Variants in CNTLN observed in about 807,000 individuals in gnomAD.
CNTLN encodes centlein, centrosomal protein.
Under a neutral mutation model 180.0 loss-of-function variants are expected in CNTLN, and 212 were observed. The observed-to-expected ratio is 1.18, with a 90% CI of 1.05 to 1.32. The LOEUF is 1.32. Ranked by LOEUF, CNTLN falls within the 40% of genes most tolerant of loss-of-function variation. CNTLN has a pLI of 0.00. For missense variants in CNTLN, 2,095 were observed against 1,610.9 expected (o/e 1.30, Z -5.14); for synonymous variants, 722 against 563.1 (o/e 1.28, Z -3.99).
intron 5 of CNTLN, among the ~76,000 whole-genome samples, chr9:17,251,611 T>C (rs1481170015): frequency 6.6e-6 from 1 of 151,912 alleles, no homozygotes; most frequent in Non-Finnish European, 1.5e-5. Context: ...TTCCCTTTCA[T>C]TGATATGTAA....
chr9:17,179,662 A>G (rs1244939197), intron 2 of CNTLN, among the ~76,000 whole-genome samples: 2 of 152,212 alleles, frequency 1.3e-5, no homozygotes, highest in Admixed American at 6.5e-5. Context: ...GGATTGTTCC[A>G]TAAATATTGA....
At chr9:17,176,140 T>C (rs1464664672) in intron 2 of CNTLN, among the ~76,000 whole-genome samples, 2 of 152,148 alleles carry the variant, frequency 1.3e-5, no homozygotes, top group Admixed American at 6.5e-5. Context: ...CAGTACTATG[T>C]TGAGTAAGAG....
chr9:17,366,803 T>A (rs1378042068), intron 13 of CNTLN, 86 bp downstream of exon 13: 1 of 764,314 alleles, frequency 1.3e-6, no homozygotes, highest in African/African-American at 1.8e-5. Flanking sequence ...CTTTTAAGAA[T>A]CTTACCCTTT....
At chr9:17,457,763 C>G in intron 19 of CNTLN, 48 bp downstream of exon 19, 1 of 1,136,522 alleles carries the variant, frequency 8.8e-7, no homozygotes, top group Non-Finnish European at 1.2e-6. Context: ...ATGCTTGAAT[C>G]CTGCAAGACA....
At chr9:17,439,803 A>G (rs1830000544) in intron 18 of CNTLN, among the ~76,000 whole-genome samples, 1 of 152,204 alleles carries the variant, frequency 6.6e-6, no homozygotes, top group Admixed American at 6.5e-5. Context: ...TGCCCTTATA[A>G]AAAGAGGAAG....
chr9:17,241,773 C>A (rs147453667), intron 5 of CNTLN, among the ~76,000 whole-genome samples: 1 of 151,880 alleles, frequency 6.6e-6, no homozygotes, highest in Non-Finnish European at 1.5e-5. Flanking sequence ...TCTTTAACTA[C>A]TTTGGTTAAT....
At position 17,335,910 on chromosome 9, in the gene CNTLN, C is replaced by G. The variant is rs1304322919; in HGVS notation, c.1644+3180C>G. ...CAAGCTGAGATCCTGCCACTACATT[C>G]CAGCGAGTCTGTCTCAAAAACAAAA... is the stretch of plus-strand genomic sequence containing the variant. On this transcript the variant is annotated intron_variant, in intron 10 of 25. Transcript: ENST00000380647. Among the ~76,000 whole-genome samples, 7 of 139,306 alleles carry G rather than the reference C, an allele frequency of 5.0e-5. No homozygotes were observed. The East Asian group carries it at 1.1e-3, about 22-fold the overall frequency. 91.4% of individuals were successfully genotyped at this position (139,306 alleles called of 152,430 possible).
intron 6 of CNTLN, among the ~76,000 whole-genome samples, chr9:17,292,233 T>G (rs547094709): frequency 1.3e-5 from 2 of 152,210 alleles, no homozygotes; most frequent in East Asian, 3.9e-4. Context: ...CTGTTAACAT[T>G]TTTTTTCCCT....
At chr9:17,205,172 G>T (rs1195290518) in intron 2 of CNTLN, among the ~76,000 whole-genome samples, 1 of 152,140 alleles carries the variant, frequency 6.6e-6, no homozygotes. Flanking sequence ...GAGACCACTT[G>T]GCTCCCTGGC....
intron 7 of CNTLN, chr9:17,299,619 G>A: frequency 1.0e-6 from 1 of 985,412 alleles, no homozygotes; most frequent in Non-Finnish European, 1.2e-6. Context: ...CAAGCAGGAA[G>A]ATACAGTCTT....
chr9:17,518,036 CTTTTTTTTT>C, the CNTLN span, among the ~76,000 whole-genome samples: 5 of 69,232 alleles, frequency 7.2e-5, no homozygotes, highest in East Asian at 4.9e-4. Context: ...TTTTCTTTTC[CTTTTTTTTT>C]TTTTTTTTTT....
chr9:17,300,756 C>G (rs1453564392), intron 7 of CNTLN: 2 of 156,222 alleles, frequency 1.3e-5, no homozygotes, highest in Non-Finnish European at 2.8e-5. Flanking sequence ...CATGTTCCGA[C>G]TCTACATTAC....
chr9:17,417,318 C>T (rs183626911), intron 18 of CNTLN, among the ~76,000 whole-genome samples: 1 of 152,048 alleles, frequency 6.6e-6, no homozygotes, highest in Non-Finnish European at 1.5e-5. Context: ...CTTTCCTTTT[C>T]TTTTCTCCTA....
At chr9:17,221,195 A>C (rs925012386) in intron 2 of CNTLN, among the ~76,000 whole-genome samples, 1 of 152,104 alleles carries the variant, frequency 6.6e-6, no homozygotes, top group African/African-American at 2.4e-5. Flanking sequence ...ATGATAAGCT[A>C]AACATTCAAG....
At chr9:17,310,262 C>T (rs145086923) in intron 8 of CNTLN, among the ~76,000 whole-genome samples, 254 of 152,098 alleles carry the variant, frequency 1.7e-3, no homozygotes, top group African/African-American at 5.8e-3. Flanking sequence ...TTTTTTTAAA[C>T]AGTTTTATCA....
chr9:17,483,023 A>G (rs1832725908), intron 23 of CNTLN, among the ~76,000 whole-genome samples: 2 of 152,154 alleles, frequency 1.3e-5, no homozygotes. Flanking sequence ...GAAAAGATTC[A>G]TTAATTTGAA....
At chr9:17,423,250 A>G (rs972378848) in intron 18 of CNTLN, among the ~76,000 whole-genome samples, 7 of 152,156 alleles carry the variant, frequency 4.6e-5, no homozygotes, top group African/African-American at 1.4e-4. Flanking sequence ...TTGAGGTCCA[A>G]GGGCTCTTTA....
chr9:17,241,829 T>C (rs183608681), intron 5 of CNTLN, among the ~76,000 whole-genome samples: 24 of 152,318 alleles, frequency 1.6e-4, no homozygotes, highest in African/African-American at 5.8e-4. Context: ...GTAGGATTAC[T>C]TTCTTAATTT....
At chr9:17,442,411 G>A (rs546203958) in intron 18 of CNTLN, among the ~76,000 whole-genome samples, 4 of 152,120 alleles carry the variant, frequency 2.6e-5, no homozygotes, top group Non-Finnish European at 4.4e-5. Context: ...AACTTTCTCT[G>A]TTTTTGAGAT....
Sources: gnomAD v4.1 joint callset for allele counts (sites outside exome capture counted in the v4.1 genomes callset) on GRCh38, gnomAD v4.1.1 for gene constraint, MANE v1.5 for transcripts, NCBI Gene and HGNC (gene_info 2026-07-23, HGNC 2026-07-21) for gene names.